The following TAFA5 variants were observed in gnomAD, a reference collection of about 807,000 sequenced individuals.
TAFA5 encodes the protein TAFA chemokine like family member 5.
TAFA5 carries 6 observed loss-of-function variants against 15.3 expected under a neutral mutation model. The ratio of observed to expected loss-of-function variants is 0.39; its 90% confidence interval spans 0.21 to 0.77. The LOEUF (loss-of-function observed/expected upper bound fraction) is 0.77. Ranked by LOEUF, TAFA5 falls within the 30% of genes least tolerant of loss-of-function variation. The probability of loss-of-function intolerance (pLI) is 0.41; values close to 1 mark genes in which losing one functional copy is unlikely to be tolerated. For synonymous variants in TAFA5, 103 were observed against 80.7 expected, an observed-to-expected ratio of 1.28 and a Z score of -1.48; for missense variants, 161 against 193.1, an observed-to-expected ratio of 0.83 and a Z score of 0.98.
chr22:48,497,276 G>C (rs1398191958), intron 1 of TAFA5, among the ~76,000 whole-genome samples: 1 of 152,328 alleles, frequency 6.6e-6, no homozygotes, highest in African/African-American at 2.4e-5. Context: ...AGGAGAAGCC[G>C]GGGCCTGCGG....
At chr22:48,721,082 A>G (rs1261305410) in intron 3 of TAFA5, among the ~76,000 whole-genome samples, 3 of 152,176 alleles carry the variant, frequency 2.0e-5, no homozygotes, top group African/African-American at 7.2e-5. Context: ...GTGGTTGCCC[A>G]AGCAGGAAGG....
At position 48,605,360 on chromosome 22, in the gene TAFA5, G is replaced by T. The variant is rs866961464; in HGVS notation, c.113-41237G>T. ...GATGGTGATGGCGATGGTGATGATG[G>T]TGGTGATGGTGTTGATGGTGATCAT... On this transcript the variant is annotated intron_variant, in intron 1 of 3. Transcript: ENST00000402357. 1.1e-3 allele frequency among the ~76,000 whole-genome samples: 117 copies of T among 104,422 alleles called. 2 individuals are homozygous for T. Among genetic ancestry groups the T allele is most frequent in the African/African-American group, 3.3e-3 (95 of 29,150 alleles). 68.5% of individuals were successfully genotyped at this position (104,422 alleles called of 152,430 possible).
chr22:48,524,969 T>A (rs1408240131), intron 1 of TAFA5, among the ~76,000 whole-genome samples: 1 of 152,082 alleles, frequency 6.6e-6, no homozygotes, highest in Non-Finnish European at 1.5e-5. Context: ...TTCTCCTGCC[T>A]CTTCCTCCAT....
chr22:48,521,086 C>G (rs1272537924), intron 1 of TAFA5, among the ~76,000 whole-genome samples: 2 of 152,130 alleles, frequency 1.3e-5, no homozygotes, highest in Non-Finnish European at 2.9e-5. Context: ...TTCTTCCCAC[C>G]ACGGCCGTAA....
intron 1 of TAFA5, among the ~76,000 whole-genome samples, chr22:48,496,532 GA>G (rs1438397249): frequency 3.9e-5 from 6 of 152,254 alleles, no homozygotes; most frequent in African/African-American, 1.4e-4. Context: ...CCTGCAGGCA[GA>G]GGAGCCAGGG....
At chr22:48,736,681 C>A (rs1032400764) in intron 3 of TAFA5, among the ~76,000 whole-genome samples, 4 of 152,236 alleles carry the variant, frequency 2.6e-5, no homozygotes, top group African/African-American at 9.6e-5. Flanking sequence ...TTCTGATGAA[C>A]CGGCAACACG....
chr22:48,600,546 G>C (rs117349318), intron 1 of TAFA5, among the ~76,000 whole-genome samples: 1 of 129,606 alleles, frequency 7.7e-6, no homozygotes, highest in Admixed American at 8.3e-5. Flanking sequence ...AGGACTTTGC[G>C]TGTGTCTGTA....
In TAFA5 at chr22:48,730,968, G is replaced by A. The variant is rs941743480; in HGVS notation, c.391-18871G>A. 4.2e-4 allele frequency among the ~76,000 whole-genome samples: 64 copies of A among 152,176 alleles called. 1 individual carries two copies. The highest frequency in any genetic ancestry group is 2.1e-4 in the Non-Finnish European group (14 of 68,028). ...TCGAGCTTCGTGAGGAAGGCGTGTC[G>A]AAAGCTGAGACAGGCTGAATGCTAG... On this transcript the variant is annotated intron_variant, in intron 3 of 3. Transcript: ENST00000402357.
chr22:48,623,454 C>T (rs961502216), intron 1 of TAFA5, among the ~76,000 whole-genome samples: 2 of 152,100 alleles, frequency 1.3e-5, no homozygotes, highest in African/African-American at 2.4e-5. Context: ...TGGCCCTGCG[C>T]GGTGACCTGT....
At chr22:48,508,987 A>G (rs985745764) in intron 1 of TAFA5, among the ~76,000 whole-genome samples, 1 of 152,144 alleles carries the variant, frequency 6.6e-6, no homozygotes, top group Non-Finnish European at 1.5e-5. Flanking sequence ...CCAGCCTCTA[A>G]TAACCATAAT....
intron 1 of TAFA5, among the ~76,000 whole-genome samples, chr22:48,501,133 G>T (rs1920949278): frequency 6.6e-6 from 1 of 152,174 alleles, no homozygotes. Flanking sequence ...GGCTGTGAGT[G>T]GCTTTGCCTC....
intron 1 of TAFA5, among the ~76,000 whole-genome samples, chr22:48,583,133 ACACACAC>A (rs1208401555): frequency 4.0e-5 from 6 of 150,784 alleles, no homozygotes; most frequent in Non-Finnish European, 5.9e-5. Context: ...CACACGCCAC[ACACACAC>A]CACACACCAC....
intron 1 of TAFA5, among the ~76,000 whole-genome samples, chr22:48,525,734 T>C (rs1428189758): frequency 6.6e-6 from 1 of 152,196 alleles, no homozygotes; most frequent in African/African-American, 2.4e-5. Flanking sequence ...AAGCCCTGCC[T>C]ACCCGAGCCC....
chr22:48,583,497 C>A (rs144150245), intron 1 of TAFA5, among the ~76,000 whole-genome samples: 2 of 144,222 alleles, frequency 1.4e-5, no homozygotes, highest in Admixed American at 6.8e-5. Context: ...CACCACACAC[C>A]ACACAGTGCA....
chr22:48,654,245 G>A (rs1927156626), intron 2 of TAFA5, among the ~76,000 whole-genome samples: 2 of 152,116 alleles, frequency 1.3e-5, no homozygotes, highest in South Asian at 4.1e-4. Context: ...AGGAGGAGGA[G>A]GCCAGACACC....
intron 1 of TAFA5, among the ~76,000 whole-genome samples, chr22:48,557,771 G>A (rs1188426772): frequency 6.6e-6 from 1 of 152,192 alleles, no homozygotes; most frequent in Non-Finnish European, 1.5e-5. Flanking sequence ...GCGGTGATGG[G>A]CGATCATTGT....
intron 2 of TAFA5, among the ~76,000 whole-genome samples, chr22:48,689,794 G>A (rs1216556927): frequency 6.6e-6 from 1 of 152,156 alleles, no homozygotes; most frequent in African/African-American, 2.4e-5. Context: ...TAACAGGTGA[G>A]GGGGGCCACA....
chr22:48,724,178 G>A (rs541380503), intron 3 of TAFA5, among the ~76,000 whole-genome samples: 9 of 152,170 alleles, frequency 5.9e-5, no homozygotes, highest in Non-Finnish European at 1.2e-4. Flanking sequence ...GGAGAGACTC[G>A]GGGTTCTCGT....
chr22:48,590,479 T>C (rs2147156396), intron 1 of TAFA5, among the ~76,000 whole-genome samples: 1 of 152,308 alleles, frequency 6.6e-6, no homozygotes, highest in East Asian at 1.9e-4. Flanking sequence ...AGGTGATACA[T>C]GGGTATGGTG....
Sources: gnomAD v4.1 joint callset for allele counts (sites outside exome capture counted in the v4.1 genomes callset) on GRCh38, gnomAD v4.1.1 for gene constraint, MANE v1.5 for transcripts, NCBI Gene and HGNC (gene_info 2026-07-23, HGNC 2026-07-21) for gene names.